Variants in ANO1 observed in about 807,000 individuals in gnomAD.
ANO1 encodes anoctamin-1.
In ANO1, 59 loss-of-function variants were observed where a neutral mutation model predicts 124.0. The observed-to-expected ratio is 0.48, with a 90% CI of 0.39 to 0.59. The LOEUF is 0.59. Ranked by LOEUF, ANO1 falls within the 20% of genes least tolerant of loss-of-function variation. ANO1 has a pLI of 0.00. For missense variants in ANO1, 1,059 were observed against 1,328.0 expected (o/e 0.80, Z 3.15); for synonymous variants, 529 against 532.0 (o/e 0.99, Z 0.08).
intron 11 of ANO1, among the ~76,000 whole-genome samples, chr11:70,135,451 G>T (rs1056185481): frequency 1.3e-5 from 2 of 152,162 alleles, no homozygotes; most frequent in Admixed American, 6.5e-5. Flanking sequence ...GGCTTTTAAG[G>T]GCCCTGGAGA....
chr11:70,043,616 T>A (rs1857213729), intron 1 of ANO1, among the ~76,000 whole-genome samples: 1 of 152,078 alleles, frequency 6.6e-6, no homozygotes, highest in South Asian at 2.1e-4. Flanking sequence ...GAAGAAGAGT[T>A]TGGCATGCTT....
chr11:70,073,529 G>A (rs1393136051), upstream of ANO1, among the ~76,000 whole-genome samples: 8 of 152,166 alleles, frequency 5.3e-5, no homozygotes, highest in African/African-American at 1.9e-4. Context: ...GTGTGCCAAG[G>A]ATGGGAAGGA....
chr11:70,001,414 T>C (rs1856379344), intron 1 of ANO1, among the ~76,000 whole-genome samples: 1 of 152,048 alleles, frequency 6.6e-6, no homozygotes, highest in Non-Finnish European at 1.5e-5. Flanking sequence ...AACTGGAAGC[T>C]CCGCAGGGCC....
intron 1 of ANO1, among the ~76,000 whole-genome samples, chr11:70,008,069 G>A (rs1005452908): frequency 6.6e-6 from 1 of 152,096 alleles, no homozygotes; most frequent in African/African-American, 2.4e-5. Flanking sequence ...TTAGAGAAAT[G>A]TCTATTAATT....
chr11:70,108,057 G>A lies in ANO1; in HGVS notation c.748-296G>A, dbSNP rs1183331894. 1.7e-5 allele frequency: 7 copies of A among 410,998 alleles called. No individual in the cohort carries two copies. The East Asian group carries it at 2.6e-4, about 15-fold the overall frequency. 25.5% of individuals were successfully genotyped at this position (410,998 alleles called of 1,614,324 possible). A position where few individuals can be genotyped will look rare whatever the true frequency, so the allele number is the denominator to read the frequency against. ...AGGACACCAGCACTAGGCCCAGGAG[G>A]GCACGGCAGTGCTTTGCTGGGGCCA... is the stretch of plus-strand genomic sequence containing the variant. On this transcript the variant is annotated intron_variant, in intron 5 of 25. Transcript: ENST00000355303.
At chr11:70,032,515 T>G (rs1591046817) in intron 1 of ANO1, among the ~76,000 whole-genome samples, 23 of 126,846 alleles carry the variant, frequency 1.8e-4, no homozygotes, top group Middle Eastern at 4.0e-3. Flanking sequence ...GATGGGAGAG[T>G]GAGCAGAGGG....
rs74817579 is a variant in ANO1, at chr11:70,006,476, T to G, written c.58+20310T>G. Among the ~76,000 whole-genome samples, 1,003 of 152,188 alleles carry G rather than the reference T, an allele frequency of 6.6e-3. 16 individuals are homozygous for G. The highest frequency in any genetic ancestry group is 0.022 in the African/African-American group (925 of 41,532). On this transcript the variant is annotated intron_variant, in intron 1 of 27. Transcript: ENST00000531349. Reference sequence around the variant, plus strand: ...CCTCCCCTACCTCTGCTCTCTGCCCTGAACCCCACACACAGACCCTGGCCT... The same window carrying G: ...CCTCCCCTACCTCTGCTCTCTGCCCGGAACCCCACACACAGACCCTGGCCT...
At chr11:69,981,602 G>A (rs556789701), upstream of ANO1, among the ~76,000 whole-genome samples, 1 of 152,302 alleles carries the variant, frequency 6.6e-6, no homozygotes, top group Admixed American at 6.5e-5. Context: ...CTTTGCTGCT[G>A]GGAGCCCCTG....
At position 70,171,053 on chromosome 11, in the gene ANO1, C is replaced by T. The variant is rs770717069; in HGVS notation, c.2350+14C>T. 1.7e-5 allele frequency: 27 copies of T among 1,609,202 alleles called. No homozygotes were observed. The highest frequency in any genetic ancestry group is 9.4e-5 in the African/African-American group (7 of 74,822). On this transcript the variant is annotated intron_variant, in intron 22 of 25. Transcript: ENST00000355303. ...CCAAAGACATCGGTGAGTGACCCCA[C>T]GGGCCGGCAGAACCGGTTCCGAGTG...
chr11:70,001,055 C>G (rs2120351695), intron 1 of ANO1, among the ~76,000 whole-genome samples: 1 of 152,320 alleles, frequency 6.6e-6, no homozygotes, highest in South Asian at 2.1e-4. Context: ...CCCAGCAAAG[C>G]CACCCCAATC....
chr11:70,135,380 C>T (rs12287167), intron 11 of ANO1, among the ~76,000 whole-genome samples: 3,110 of 152,240 alleles, frequency 0.02, 81 homozygotes, highest in African/African-American at 0.058. Context: ...CTTGGCCGAG[C>T]TGGTCTCATC....
intron 1 of ANO1, among the ~76,000 whole-genome samples, chr11:70,039,623 T>C (rs11237548): frequency 2.5e-4 from 36 of 144,830 alleles, no homozygotes; most frequent in South Asian, 1.0e-3. Context: ...CCTCCCCTTC[T>C]GCAGGTGGTA....
At chr11:70,059,372 C>T (rs1367206796) in intron 1 of ANO1, among the ~76,000 whole-genome samples, 3 of 140,596 alleles carry the variant, frequency 2.1e-5, no homozygotes, top group African/African-American at 7.8e-5. Context: ...AAAAAAAAGC[C>T]GAACCATTGT....
At position 70,157,366 on chromosome 11, in the gene ANO1, C is replaced by CAA. The variant is rs529445782; in HGVS notation, c.1578+362_1578+363dup. On this transcript the variant is annotated intron_variant, in intron 16 of 25. Coordinates refer to ENST00000355303, the MANE Select transcript of ANO1 (RefSeq NM_018043.7). Reference sequence around the variant, plus strand: ...TGGGTGACAGAGCAAGACTCTGTCTCAAAAAAAAAAAAAAAAAAGGATGCG... The same window carrying CAA: ...TGGGTGACAGAGCAAGACTCTGTCTCAAAAAAAAAAAAAAAAAAAAGGATGCG... Among the ~76,000 whole-genome samples the CAA allele has an allele frequency of 7.6e-3, 741 of 98,086 alleles. 33 individuals are homozygous for CAA. Among genetic ancestry groups the CAA allele is most frequent in the African/African-American group, 0.024 (583 of 24,040 alleles). The allele number at this position is 98,086 out of a possible 152,430, so 64.3% of individuals were successfully genotyped here.
At chr11:70,055,218 TA>T (rs1477739809) in intron 1 of ANO1, among the ~76,000 whole-genome samples, 7 of 152,146 alleles carry the variant, frequency 4.6e-5, no homozygotes, top group Non-Finnish European at 8.8e-5. Flanking sequence ...GTATATTCAG[TA>T]ATTTTTGTTG....
intron 1 of ANO1, among the ~76,000 whole-genome samples, chr11:70,083,571 G>A (rs744205): frequency 0.62 from 93,715 of 151,982 alleles, 30,274 homozygotes; most frequent in African/African-American, 0.81. Context: ...GAACCTGGTA[G>A]CCTTCCCTGT....
At chr11:70,047,804 GAGA>G (rs1209868469) in intron 1 of ANO1, among the ~76,000 whole-genome samples, 1 of 152,188 alleles carries the variant, frequency 6.6e-6, no homozygotes, top group Non-Finnish European at 1.5e-5. Flanking sequence ...TTTTTTACCT[GAGA>G]CAGGGCAAAT....
intron 3 of ANO1, among the ~76,000 whole-genome samples, chr11:70,103,635 A>T (rs1011717732): frequency 6.6e-6 from 1 of 152,196 alleles, no homozygotes; most frequent in Admixed American, 6.5e-5. Context: ...CCAGAAGCTT[A>T]GCTTGGAGTC....
At chr11:70,031,839 G>A (rs1857006839) in intron 1 of ANO1, among the ~76,000 whole-genome samples, 1 of 152,160 alleles carries the variant, frequency 6.6e-6, no homozygotes, top group Admixed American at 6.5e-5. Context: ...CATCCACACT[G>A]GCCAGCAAGC....
Sources: allele counts gnomAD v4.1 joint callset (sites outside exome capture counted in the v4.1 genomes callset), GRCh38; gene constraint gnomAD v4.1.1; transcripts MANE v1.5; gene names NCBI Gene and HGNC (gene_info 2026-07-23, HGNC 2026-07-21).